FAM83G: variants seen among roughly 807,000 people sequenced by gnomAD.
FAM83G encodes protein FAM83G.
In FAM83G, 38 loss-of-function variants were observed where a neutral mutation model predicts 61.5. The observed-to-expected ratio is 0.62, with a 90% CI of 0.48 to 0.81. The LOEUF (loss-of-function observed/expected upper bound fraction) is 0.81, where lower values mean the gene tolerates loss of function less well. FAM83G is among the 30% of genes least tolerant of loss of function. The pLI is 0.00. For missense variants in FAM83G, 989 were observed against 1,133.6 expected (o/e 0.87, Z 1.83); for synonymous variants, 470 against 476.1 (o/e 0.99, Z 0.17).
chr17:19,001,100 T>C (rs1173955547), intron 2 of FAM83G, among the ~76,000 whole-genome samples: 2 of 152,106 alleles, frequency 1.3e-5, no homozygotes, highest in Non-Finnish European at 2.9e-5. Context: ...AGTTTCTACA[T>C]CTGAAAAATG....
chr17:18,990,761 G>T (rs1156437174), intron 2 of FAM83G, among the ~76,000 whole-genome samples: 1 of 151,826 alleles, frequency 6.6e-6, no homozygotes, highest in Non-Finnish European at 1.5e-5. Context: ...TTTGTAACAG[G>T]CACGAGCTTA....
At chr17:18,993,389 C>T (rs1175658783) in intron 2 of FAM83G, among the ~76,000 whole-genome samples, 1 of 152,228 alleles carries the variant, frequency 6.6e-6, no homozygotes, top group Non-Finnish European at 1.5e-5. Context: ...TCTTCTCAGG[C>T]ACAGCAATGG....
In FAM83G at chr17:18,968,969, G is replaced by C. The variant is rs1251345921; in HGVS notation, c.*2390C>G. 4.3e-6 allele frequency: 6 copies of C among 1,381,624 alleles called. No individual in the cohort carries two copies. In the East Asian group the frequency reaches 1.4e-4, roughly 33 times the overall value. The allele number at this position is 1,381,624 out of a possible 1,614,324, so 85.6% of individuals were successfully genotyped here. ...TCCACAGGCCACCGAGGCCCAGAGAGGGCCTTGCCCGAGGTCACCCAGGGA... is the reference window on the plus strand; with the variant it reads ...TCCACAGGCCACCGAGGCCCAGAGACGGCCTTGCCCGAGGTCACCCAGGGA... On this transcript the variant is annotated 3_prime_UTR_variant, in exon 6 of 6. Transcript: ENST00000388995. This position sits in a 1 kb window ranked among gnomAD's most constrained non-coding sequence, Gnocchi z 4.1.
intron 4 of FAM83G, 170 bp downstream of exon 4, chr17:18,979,379 T>C: frequency 1.2e-6 from 1 of 807,040 alleles, no homozygotes; most frequent in Admixed American, 2.9e-5. Context: ...AAAGCCCTTC[T>C]CTGCCTGCCT....
rs780598860 is a variant in FAM83G at position 19,003,561 on chromosome 17, T to C, written c.481A>G (p.Ile161Val). Reference sequence around the variant, plus strand: ...ATCATCTTCCGCACCACCTCTTTGATGTGGGCCTGCCCGTCTATGGGGGGC... The same window carrying C: ...ATCATCTTCCGCACCACCTCTTTGACGTGGGCCTGCCCGTCTATGGGGGGC... ...MQPPIDGQAH[I>V]KEVVRKMISQ... is the part of the protein sequence containing the mutation. Residue 161 changes from isoleucine (I) to valine (V), a missense_variant, in exon 2 of 6, where the codon ATC (isoleucine) becomes GTC (valine). Physicochemically the swap from Ile to Val is conservative, Grantham distance 29. This residue lies in a region of FAM83G where 371 missense variants were observed against 404.5 expected (regional missense o/e 0.92). Coordinates refer to ENST00000388995, the MANE Select transcript of FAM83G (RefSeq NM_001039999.3). This position sits in a 1 kb window ranked among gnomAD's most constrained non-coding sequence, Gnocchi z 4.5. The C allele has an allele frequency of 2.6e-6, 4 of 1,568,492 alleles. No homozygotes were observed. The Admixed American group carries it at 7.6e-5, about 30-fold the overall frequency.
chr17:18,983,106 C>T (rs1430134268), intron 3 of FAM83G, among the ~76,000 whole-genome samples: 1 of 152,194 alleles, frequency 6.6e-6, no homozygotes, highest in African/African-American at 2.4e-5. Flanking sequence ...GACTGTCAGC[C>T]GTACTGGGTG....
chr17:19,003,731 G>C lies in FAM83G; in HGVS notation c.311C>G (p.Ala104Gly), dbSNP rs1166072864. Residue 104 changes from alanine (A) to glycine (G), a missense_variant, in exon 2 of 6, where the codon GCG (alanine) becomes GGG (glycine). Transcript: ENST00000388995. The surrounding 1 kb of genome is among the most constrained non-coding windows in gnomAD (Gnocchi z 4.5). ...GVGDGEEASG[A>G]DGVPIEAEPL... ...CTCGGCCTCGATGGGGACCCCATCCGCCCCGCTGGCTTCCTCGCCGTCGCC... is the reference window on the plus strand; with the variant it reads ...CTCGGCCTCGATGGGGACCCCATCCCCCCCGCTGGCTTCCTCGCCGTCGCC... 1 of 1,604,210 alleles carries C rather than the reference G, an allele frequency of 6.2e-7. No homozygotes were observed. Among genetic ancestry groups the C allele is most frequent in the Admixed American group, 1.7e-5 (1 of 59,080 alleles).
chr17:19,003,350 TC>T lies in FAM83G; in HGVS notation c.522+169del, dbSNP rs2043780947. Among the ~76,000 whole-genome samples, 1 of 151,286 alleles carries T rather than the reference TC, an allele frequency of 6.6e-6. No individual in the cohort carries two copies. The highest frequency in any genetic ancestry group is 1.5e-5 in the Non-Finnish European group (1 of 67,826). ...CCCTACCCTGCAAAGAAACTGCGGA[TC>T]CCCACGAAGGTGGGGAGGAAACCTC... is the stretch of plus-strand genomic sequence containing the variant. On this transcript the variant is annotated intron_variant, in intron 2 of 5. Transcript: ENST00000388995. This position sits in a 1 kb window ranked among gnomAD's most constrained non-coding sequence, Gnocchi z 4.5.
rs139976571 is a variant in FAM83G, at chr17:18,996,721, GTGTCAC to G, written c.522+6793_522+6798del. On this transcript the variant is annotated intron_variant, in intron 2 of 5. Coordinates refer to ENST00000388995, the MANE Select transcript of FAM83G (RefSeq NM_001039999.3). This position sits in a 1 kb window ranked among gnomAD's most constrained non-coding sequence, Gnocchi z 4.4. ...TGGCCACTCCCATTTTCCAGAGGGG[GTGTCAC>G]TGTCCCAGGGCCACCCTGTCAACTA... 3.1e-3 allele frequency among the ~76,000 whole-genome samples: 472 copies of G among 152,330 alleles called. 1 individual carries two copies. The highest frequency in any genetic ancestry group is 0.011 in the African/African-American group (443 of 41,572).
At chr17:18,983,591 T>C (rs991860572) in intron 3 of FAM83G, among the ~76,000 whole-genome samples, 2 of 152,094 alleles carry the variant, frequency 1.3e-5, no homozygotes, top group Admixed American at 6.5e-5. Flanking sequence ...CCAGGCCTAG[T>C]GTGAGGAATG....
In FAM83G at chr17:18,977,828, G is replaced by A; in HGVS notation, c.1838C>T (p.Ser613Phe). The change falls in exon 5 of 6, where the codon TCC (serine) becomes TTC (phenylalanine). Residue 613 changes from serine to phenylalanine, a missense_variant. By Grantham distance (155) the Ser-to-Phe change is radical. Around this residue, in one of 3 missense-constraint regions of FAM83G, gnomAD observed 574 missense variants for 645.1 expected, o/e 0.89. Transcript: ENST00000388995. ...CTCGAAGTACTCCTCTGACACAGAG[G>A]AAGCCACTGAGGGCCGTCGGGGGCC... Reference protein sequence around the residue: ...GPGPRRPSVASSVSEEYFEVR... With the variant: ...GPGPRRPSVAFSVSEEYFEVR... 1 of 1,609,558 alleles carries A rather than the reference G, an allele frequency of 6.2e-7. No individual in the cohort carries two copies. Among genetic ancestry groups the A allele is most frequent in the Non-Finnish European group, 8.5e-7 (1 of 1,178,426 alleles).
At position 19,000,876 on chromosome 17, in the gene FAM83G, C is replaced by G. The variant is rs551766615; in HGVS notation, c.522+2644G>C. 1.3e-5 allele frequency among the ~76,000 whole-genome samples: 2 copies of G among 152,122 alleles called. No homozygotes were observed. The highest frequency in any genetic ancestry group is 2.9e-5 in the Non-Finnish European group (2 of 68,020). ...CGCCCCGTCAGCATCCGTCAGTGTC[C>G]GGGCCCTGCCCCTGTGAGCCTGGGA... On this transcript the variant is annotated intron_variant, in intron 2 of 5. Transcript: ENST00000388995. This position sits in a 1 kb window ranked among gnomAD's most constrained non-coding sequence, Gnocchi z 5.2.
intron 3 of FAM83G, chr17:18,986,453 G>A (rs757026609): frequency 1.3e-5 from 2 of 152,136 alleles, no homozygotes; most frequent in Non-Finnish European, 1.5e-5. Flanking sequence ...TAAATTGGTC[G>A]GAATTGCTTT....
At chr17:18,975,332 C>A (rs188799729) in intron 5 of FAM83G, among the ~76,000 whole-genome samples, 6 of 152,312 alleles carry the variant, frequency 3.9e-5, no homozygotes, top group Non-Finnish European at 7.4e-5. Context: ...TCCGTGACAT[C>A]CACAGCTTAG....
At chr17:18,979,233 T>A in intron 4 of FAM83G, 1 of 469,278 alleles carries the variant, frequency 2.1e-6, no homozygotes, top group Non-Finnish European at 3.9e-6. Flanking sequence ...CCCCATGTGG[T>A]GGTGCCCACA....
At position 19,000,817 on chromosome 17, in the gene FAM83G, G is replaced by T. The variant is rs2043712062; in HGVS notation, c.522+2703C>A. Reference sequence around the variant, plus strand: ...GAGGTGATTCATGGGGAGAGATAAGGCAGGGAGCGCTCCCAGGAAGCAGGC... The same window carrying T: ...GAGGTGATTCATGGGGAGAGATAAGTCAGGGAGCGCTCCCAGGAAGCAGGC... On this transcript the variant is annotated intron_variant, in intron 2 of 5. Transcript: ENST00000388995. This position sits in a 1 kb window ranked among gnomAD's most constrained non-coding sequence, Gnocchi z 5.2. Among the ~76,000 whole-genome samples the T allele has an allele frequency of 6.6e-6, 1 of 152,164 alleles. No individual in the cohort carries two copies.
chr17:18,977,554 G>A, intron 5 of FAM83G, 30 bp downstream of exon 5: 2 of 1,588,414 alleles, frequency 1.3e-6, no homozygotes, highest in South Asian at 1.1e-5. Flanking sequence ...AGGGACTCGT[G>A]ACCCCTGGTG....
chr17:18,995,162 T>C (rs1278802885), intron 2 of FAM83G, among the ~76,000 whole-genome samples: 1 of 151,568 alleles, frequency 6.6e-6, no homozygotes, highest in Non-Finnish European at 1.5e-5. Flanking sequence ...ATGATGCACA[T>C]GAGAAAAAAA....
intron 5 of FAM83G, among the ~76,000 whole-genome samples, chr17:18,972,619 T>C (rs1047635480): frequency 6.6e-6 from 1 of 151,958 alleles, no homozygotes; most frequent in Non-Finnish European, 1.5e-5. Flanking sequence ...TCCCAGCACT[T>C]TGGGAGGCTG....
Sources: gnomAD v4.1 joint callset for allele counts (sites outside exome capture counted in the v4.1 genomes callset) on GRCh38, gnomAD v4.1.1 for gene constraint, gnomAD v4.1.1 regional missense constraint, Gnocchi (gnomAD v3.1) non-coding constraint, MANE v1.5 for transcripts, NCBI Gene and HGNC (gene_info 2026-07-23, HGNC 2026-07-21) for gene names.